Variants in LY96 observed in about 807,000 individuals in gnomAD.
LY96 encodes lymphocyte antigen 96.
A neutral mutation model predicts 18.9 loss-of-function variants in LY96; 18 were observed. The observed-to-expected ratio is 0.95, with a 90% CI of 0.66 to 1.41. The LOEUF is 1.41. LY96 is among the 40% of genes most tolerant of loss of function. LY96 has a pLI of 0.00. For missense variants in LY96, 175 were observed against 182.4 expected (o/e 0.96, Z 0.23); for synonymous variants, 66 against 62.6 (o/e 1.06, Z -0.26).
intron 3 of LY96, among the ~76,000 whole-genome samples, chr8:74,014,120 T>C (rs1455794366): frequency 1.3e-5 from 2 of 151,702 alleles, no homozygotes; most frequent in Non-Finnish European, 2.9e-5. Flanking sequence ...ATACACTGAT[T>C]TAATGTGGCA....
At chr8:74,051,880 C>A in the LY96 span, among the ~76,000 whole-genome samples, 2 of 152,110 alleles carry the variant, frequency 1.3e-5, no homozygotes, top group African/African-American at 4.8e-5. Context: ...CCTATTATAG[C>A]AGTTCATACA....
chr8:74,068,083 A>ATATATATATATATATATATATATAT, the LY96 span, among the ~76,000 whole-genome samples: 262 of 95,546 alleles, frequency 2.7e-3, 5 homozygotes, highest in Non-Finnish European at 3.7e-3. Context: ...AAAAAAAAAA[A>ATATATATATATATATATATATATAT]AAAAAAATAT....
At chr8:74,006,902 C>T (rs192399653) in intron 2 of LY96, among the ~76,000 whole-genome samples, 11 of 152,210 alleles carry the variant, frequency 7.2e-5, no homozygotes, top group East Asian at 5.8e-4. Flanking sequence ...AAAGCAGACA[C>T]TAAGAAGGAA....
At chr8:74,044,354 TA>T in the LY96 span, among the ~76,000 whole-genome samples, 7 of 151,530 alleles carry the variant, frequency 4.6e-5, no homozygotes, top group South Asian at 2.1e-4. Flanking sequence ...CACAGCTAAT[TA>T]AAAAAAAATT....
intron 3 of LY96, among the ~76,000 whole-genome samples, chr8:74,025,570 G>A (rs1424428152): frequency 6.6e-6 from 1 of 150,940 alleles, no homozygotes; most frequent in Non-Finnish European, 1.5e-5. Context: ...CAGGAGAATG[G>A]CGTGAACCCA....
At chr8:74,038,683 C>A in the LY96 span, among the ~76,000 whole-genome samples, 1 of 152,188 alleles carries the variant, frequency 6.6e-6, no homozygotes, top group Non-Finnish European at 1.5e-5. Context: ...TGAGCCAGTG[C>A]ACCCAGACTC....
At chr8:74,068,083 A>ATATATATATATATATATATAT in the LY96 span, among the ~76,000 whole-genome samples, 37 of 95,806 alleles carry the variant, frequency 3.9e-4, no homozygotes, top group African/African-American at 1.5e-3. Context: ...AAAAAAAAAA[A>ATATATATATATATATATATAT]AAAAAAATAT....
At chr8:74,079,800 T>C in the LY96 span, among the ~76,000 whole-genome samples, 1 of 152,150 alleles carries the variant, frequency 6.6e-6, no homozygotes, top group Non-Finnish European at 1.5e-5. Context: ...TCCACCCGCT[T>C]TGGCTTCTAA....
the LY96 span, among the ~76,000 whole-genome samples, chr8:74,055,317 T>C: frequency 6.6e-6 from 1 of 152,174 alleles, no homozygotes; most frequent in Non-Finnish European, 1.5e-5. Flanking sequence ...ATTTATTTAT[T>C]TTTTGAGACC....
chr8:74,057,831 G>A, the LY96 span, among the ~76,000 whole-genome samples: 2 of 152,188 alleles, frequency 1.3e-5, no homozygotes, highest in Non-Finnish European at 2.9e-5. Flanking sequence ...TTTATTCTCT[G>A]TTAAAGTAAT....
the LY96 span, among the ~76,000 whole-genome samples, chr8:74,090,091 G>A: frequency 8.5e-5 from 13 of 152,102 alleles, no homozygotes; most frequent in Non-Finnish European, 1.6e-4. Context: ...TCTGACTTAC[G>A]TTTTAAAGGA....
At chr8:74,077,103 G>T in the LY96 span, among the ~76,000 whole-genome samples, 1 of 152,112 alleles carries the variant, frequency 6.6e-6, no homozygotes, top group South Asian at 2.1e-4. Flanking sequence ...AGATGCATAG[G>T]GCAACATATG....
the LY96 span, among the ~76,000 whole-genome samples, chr8:74,096,953 C>G: frequency 1.4e-4 from 21 of 152,186 alleles, no homozygotes; most frequent in Non-Finnish European, 1.5e-4. Flanking sequence ...AGAGAGCAGA[C>G]CTTTCCTGCT....
chr8:74,035,171 G>T, the LY96 span, among the ~76,000 whole-genome samples: 1 of 152,276 alleles, frequency 6.6e-6, no homozygotes, highest in East Asian at 1.9e-4. Context: ...AGATAAGTCA[G>T]TTTTGTAACC....
the LY96 span, among the ~76,000 whole-genome samples, chr8:74,081,051 T>A: frequency 1.6e-3 from 213 of 129,870 alleles, 4 homozygotes; most frequent in African/African-American, 5.2e-3. Context: ...TCTTTCTTTT[T>A]CTTTCTTTCT....
intron 3 of LY96, among the ~76,000 whole-genome samples, chr8:74,023,868 G>A (rs1017479261): frequency 2.0e-5 from 3 of 152,122 alleles, no homozygotes; most frequent in African/African-American, 4.8e-5. Context: ...AGTTTAAAAT[G>A]TTCTCTTTAT....
intron 1 of LY96, among the ~76,000 whole-genome samples, chr8:73,992,883 T>C (rs922858436): frequency 1.3e-5 from 2 of 149,110 alleles, no homozygotes; most frequent in East Asian, 3.9e-4. Flanking sequence ...TGTGACAGAG[T>C]TTTGCTCTGT....
the LY96 span, among the ~76,000 whole-genome samples, chr8:74,049,174 AT>A: frequency 4.6e-5 from 7 of 152,218 alleles, no homozygotes; most frequent in Non-Finnish European, 8.8e-5. Flanking sequence ...CCACCATTGT[AT>A]CCTTACCATC....
At chr8:74,046,949 T>C in the LY96 span, among the ~76,000 whole-genome samples, 1 of 149,066 alleles carries the variant, frequency 6.7e-6, no homozygotes, top group African/African-American at 2.5e-5. Context: ...TCGCCTAGGC[T>C]GGAGTGCAGA....
Sources: allele counts gnomAD v4.1 joint callset (sites outside exome capture counted in the v4.1 genomes callset), GRCh38; gene constraint gnomAD v4.1.1; transcripts MANE v1.5; gene names NCBI Gene and HGNC (gene_info 2026-07-23, HGNC 2026-07-21).